RALGAPB: variants seen among roughly 807,000 people sequenced by gnomAD.
The protein encoded by RALGAPB is ral GTPase-activating protein subunit beta.
RALGAPB carries 25 observed loss-of-function variants against 161.1 expected under a neutral mutation model. That is an observed-to-expected ratio of 0.16 (90% CI 0.11 to 0.22). RALGAPB has a LOEUF of 0.22. RALGAPB is among the 10% of genes least tolerant of loss of function. The probability of loss-of-function intolerance (pLI) is 1.00; values close to 1 mark genes in which losing one functional copy is unlikely to be tolerated. For synonymous variants in RALGAPB, 629 were observed against 626.1 expected, an observed-to-expected ratio of 1.00 and a Z score of -0.07; for missense variants, 1,391 against 1,815.2, an observed-to-expected ratio of 0.77 and a Z score of 4.25.
intron 23 of RALGAPB, among the ~76,000 whole-genome samples, chr20:38,561,763 G>T (rs1222811866): frequency 6.6e-6 from 1 of 152,114 alleles, no homozygotes; most frequent in African/African-American, 2.4e-5. Context: ...TTGTTACGGG[G>T]GCTATCCTGT....
chr20:38,559,930 T>C (rs2145480787), intron 23 of RALGAPB, among the ~76,000 whole-genome samples: 1 of 152,328 alleles, frequency 6.6e-6, no homozygotes, highest in East Asian at 1.9e-4. Context: ...CGTATTCAGA[T>C]GTGTAGGGCA....
chr20:38,485,118 AAT>A (rs1469721697), intron 1 of RALGAPB, among the ~76,000 whole-genome samples: 12 of 152,222 alleles, frequency 7.9e-5, no homozygotes, highest in African/African-American at 2.9e-4. Flanking sequence ...AAAATAGCAC[AAT>A]ATATTTTGTA....
At chr20:38,566,548 C>T (rs1351511896) in intron 25 of RALGAPB, among the ~76,000 whole-genome samples, 1 of 152,134 alleles carries the variant, frequency 6.6e-6, no homozygotes, top group African/African-American at 2.4e-5. Context: ...TCAGCTTCCT[C>T]CTATTTCTGA....
chr20:38,554,872 G>T (rs1039442425), intron 22 of RALGAPB, among the ~76,000 whole-genome samples: 23 of 152,184 alleles, frequency 1.5e-4, no homozygotes, highest in African/African-American at 5.6e-4. Context: ...GAGGCCAGGA[G>T]TTCGAGACCA....
In RALGAPB at chr20:38,562,610, G is replaced by C; in HGVS notation, c.3610G>C (p.Asp1204His). Residue 1204 changes from aspartate to histidine, a missense_variant, in exon 24 of 30, where the codon GAT (aspartate) becomes CAT (histidine). By Grantham distance (81) the Asp-to-His change is moderately conservative. Transcript: ENST00000262879. The stretch of plus-strand genomic sequence containing the variant: ...TTTGCTTTCCCTTGGCTGGTCAGTA[G>C]ATGTGGGCAGACACCCTGGTTGGAC... ...EFLLSLGWSV[D>H]VGRHPGWTGH... The C allele has an allele frequency of 1.2e-6, 2 of 1,613,950 alleles. No homozygotes were observed. The highest frequency in any genetic ancestry group is 2.2e-5 in the South Asian group (2 of 91,068).
chr20:38,514,540 A>G (rs2086069419), intron 6 of RALGAPB, among the ~76,000 whole-genome samples: 1 of 152,202 alleles, frequency 6.6e-6, no homozygotes, highest in Non-Finnish European at 1.5e-5. Context: ...GACTGGGTAG[A>G]AGGCAGGTCA....
At chr20:38,514,618 G>C (rs760321752) in intron 6 of RALGAPB, among the ~76,000 whole-genome samples, 1 of 152,214 alleles carries the variant, frequency 6.6e-6, no homozygotes. Context: ...GGTTGAATAT[G>C]ATGGGGAGAT....
intron 18 of RALGAPB, among the ~76,000 whole-genome samples, chr20:38,542,876 G>A (rs1052819839): frequency 2.0e-5 from 3 of 151,452 alleles, no homozygotes; most frequent in African/African-American, 7.3e-5. Flanking sequence ...AAAAAAAAAA[G>A]TGTCATAGAA....
intron 1 of RALGAPB, among the ~76,000 whole-genome samples, chr20:38,481,212 AC>A (rs2084958558): frequency 6.6e-6 from 1 of 152,172 alleles, no homozygotes; most frequent in Non-Finnish European, 1.5e-5. Flanking sequence ...TTTCCTTTGA[AC>A]TTCCGTGGTG....
At chr20:38,520,520 T>C (rs1287210555) in intron 9 of RALGAPB, among the ~76,000 whole-genome samples, 1 of 146,746 alleles carries the variant, frequency 6.8e-6, no homozygotes, top group Non-Finnish European at 1.5e-5. Context: ...TAACTGTGTT[T>C]TGGCTTTTTT....
In RALGAPB at chr20:38,575,005, G is replaced by T. The variant is rs768825220; in HGVS notation, c.*38G>T. On this transcript the variant is annotated 3_prime_UTR_variant, in exon 30 of 30. Coordinates refer to ENST00000262879, the MANE Select transcript of RALGAPB (RefSeq NM_020336.4). ...CTAAGACTGTTGAACTCCAGTTTGG[G>T]AACTATAACACAGCAGAACAGTTTG... 1 of 1,503,980 alleles carries T rather than the reference G, an allele frequency of 6.6e-7. No individual in the cohort carries two copies. The highest frequency in any genetic ancestry group is 1.7e-5 in the Admixed American group (1 of 59,798). The allele number at this position is 1,503,980 out of a possible 1,614,324, so 93.2% of individuals were successfully genotyped here.
At chr20:38,543,764 C>G (rs2087058267) in intron 18 of RALGAPB, among the ~76,000 whole-genome samples, 1 of 152,218 alleles carries the variant, frequency 6.6e-6, no homozygotes, top group African/African-American at 2.4e-5. Context: ...CTCCGCTGTT[C>G]AGTGCTTATA....
intron 28 of RALGAPB, among the ~76,000 whole-genome samples, chr20:38,572,550 T>G (rs915846225): frequency 6.6e-6 from 1 of 152,220 alleles, no homozygotes; most frequent in Admixed American, 6.5e-5. Flanking sequence ...CTTTTAGTTA[T>G]GTGAGCTGAT....
intron 1 of RALGAPB, among the ~76,000 whole-genome samples, chr20:38,483,714 G>A (rs895221400): frequency 6.6e-6 from 1 of 152,156 alleles, no homozygotes; most frequent in Non-Finnish European, 1.5e-5. Flanking sequence ...GACATGGCAA[G>A]TGTGATCAAG....
At chr20:38,560,291 T>C (rs561024065) in intron 23 of RALGAPB, among the ~76,000 whole-genome samples, 73 of 152,198 alleles carry the variant, frequency 4.8e-4, no homozygotes, top group African/African-American at 1.6e-3. Flanking sequence ...TTAAAGCATG[T>C]TATAGGAGCC....
intron 15 of RALGAPB, among the ~76,000 whole-genome samples, chr20:38,533,891 C>G (rs2086726243): frequency 6.6e-6 from 1 of 151,638 alleles, no homozygotes; most frequent in South Asian, 2.1e-4. Flanking sequence ...GTAATCCCAG[C>G]ACTTTGGGAG....
chr20:38,523,268 G>A (rs2086350807), intron 10 of RALGAPB, among the ~76,000 whole-genome samples: 1 of 152,184 alleles, frequency 6.6e-6, no homozygotes, highest in Non-Finnish European at 1.5e-5. Context: ...TAATTAATCT[G>A]CCTGTCTCTG....
chr20:38,516,186 T>C lies in RALGAPB; in HGVS notation c.873-6T>C. 1.3e-6 allele frequency: 2 copies of C among 1,570,312 alleles called. No individual in the cohort carries two copies. The highest frequency in any genetic ancestry group is 1.7e-6 in the Non-Finnish European group (2 of 1,153,640). ...TTGTGATTAATTCTTTCCTCTCTTT[T>C]AATAGTAATCCTGTGGATTTGAGTA... On this transcript the variant is annotated splice_polypyrimidine_tract_variant and splice_region_variant and intron_variant, in intron 6 of 29. Coordinates refer to ENST00000262879, the MANE Select transcript of RALGAPB (RefSeq NM_020336.4).
At chr20:38,534,066 G>A (rs2086732984) in intron 15 of RALGAPB, among the ~76,000 whole-genome samples, 1 of 150,212 alleles carries the variant, frequency 6.7e-6, no homozygotes, top group South Asian at 2.1e-4. Context: ...TTGAACCTGG[G>A]AGGCAGAGGT....
Sources: allele counts gnomAD v4.1 joint callset (sites outside exome capture counted in the v4.1 genomes callset), GRCh38; gene constraint gnomAD v4.1.1; transcripts MANE v1.5; gene names NCBI Gene and HGNC (gene_info 2026-07-23, HGNC 2026-07-21).